Variants in PITPNC1 observed in about 807,000 individuals in gnomAD.
PITPNC1 encodes the protein phosphatidylinositol transfer protein cytoplasmic 1, also known as cytoplasmic phosphatidylinositol transfer protein 1.
In PITPNC1, 18 loss-of-function variants were observed where a neutral mutation model predicts 44.7. The ratio of observed to expected loss-of-function variants is 0.40; its 90% CI spans 0.28 to 0.60. The LOEUF is 0.60. PITPNC1 is among the 20% of genes least tolerant of loss of function. The pLI is 0.39. For synonymous variants in PITPNC1, 141 were observed against 149.6 expected, an observed-to-expected ratio of 0.94 and a Z score of 0.42; for missense variants, 290 against 418.4, an observed-to-expected ratio of 0.69 and a Z score of 2.68.
At chr17:67,585,006 C>T (rs1176411199) in intron 5 of PITPNC1, among the ~76,000 whole-genome samples, 2 of 151,760 alleles carry the variant, frequency 1.3e-5, no homozygotes, top group Admixed American at 1.3e-4. Context: ...ATTCCAGGTA[C>T]TCAGCAGGCT....
chr17:67,657,221 ACCTG>A (rs1433487787), intron 6 of PITPNC1, among the ~76,000 whole-genome samples: 5 of 150,282 alleles, frequency 3.3e-5, no homozygotes, highest in African/African-American at 1.2e-4. Context: ...AAAAGCATTT[ACCTG>A]GATGTTCATT....
chr17:67,669,796 T>G (rs1332802290), intron 7 of PITPNC1, 133 bp downstream of exon 7: 3 of 643,994 alleles, frequency 4.7e-6, no homozygotes, highest in Admixed American at 2.9e-5. Flanking sequence ...TTTGGGCCGG[T>G]TGGGGTGGCC....
chr17:67,594,384 T>C (rs958723883), intron 5 of PITPNC1, among the ~76,000 whole-genome samples: 1 of 152,186 alleles, frequency 6.6e-6, no homozygotes, highest in Admixed American at 6.5e-5. Flanking sequence ...TCAGTGTAAC[T>C]TGGGGAGTCC....
chr17:67,399,100 C>A (rs1351612280), intron 1 of PITPNC1, among the ~76,000 whole-genome samples: 2 of 149,320 alleles, frequency 1.3e-5, no homozygotes, highest in Non-Finnish European at 3.0e-5. Flanking sequence ...CTGCAACTTC[C>A]GCCTCCTGGG....
chr17:67,425,455 CTT>C (rs907910338), intron 1 of PITPNC1, among the ~76,000 whole-genome samples: 2 of 150,938 alleles, frequency 1.3e-5, no homozygotes, highest in African/African-American at 2.4e-5. Flanking sequence ...TTCTCTCACT[CTT>C]TCTCTCCCTT....
chr17:67,443,359 G>A (rs752652452), intron 1 of PITPNC1, among the ~76,000 whole-genome samples: 5 of 151,708 alleles, frequency 3.3e-5, no homozygotes, highest in East Asian at 1.9e-4. Flanking sequence ...TTAGACTCTC[G>A]CAAGCAGGCT....
chr17:67,515,971 C>T (rs911078154), intron 1 of PITPNC1, among the ~76,000 whole-genome samples: 15 of 152,136 alleles, frequency 9.9e-5, no homozygotes, highest in African/African-American at 3.4e-4. Context: ...CTTTGATGGG[C>T]GGCTGTGCTT....
chr17:67,540,625 C>T (rs2040593419), intron 2 of PITPNC1, among the ~76,000 whole-genome samples: 2 of 152,058 alleles, frequency 1.3e-5, no homozygotes, highest in South Asian at 4.1e-4. Flanking sequence ...AAGTGAAATT[C>T]TCCACAATTA....
chr17:67,468,605 G>A (rs1476204459), intron 1 of PITPNC1, among the ~76,000 whole-genome samples: 8 of 150,406 alleles, frequency 5.3e-5, no homozygotes, highest in East Asian at 4.0e-4. Context: ...GGGTTTCACC[G>A]TGTTAGCCAG....
intron 1 of PITPNC1, among the ~76,000 whole-genome samples, chr17:67,449,076 G>A (rs1378244112): frequency 6.6e-6 from 1 of 152,170 alleles, no homozygotes; most frequent in African/African-American, 2.4e-5. Flanking sequence ...CAGGTACATT[G>A]ATCTTCTAAG....
chr17:67,526,358 G>A (rs2040391441), intron 1 of PITPNC1, among the ~76,000 whole-genome samples: 2 of 152,212 alleles, frequency 1.3e-5, no homozygotes, highest in Admixed American at 6.5e-5. Context: ...TGAAGGTATT[G>A]TTGGCACTCA....
At chr17:67,394,825 G>GCGGAGCTTGCAGTGAGC (rs1272546067) in intron 1 of PITPNC1, among the ~76,000 whole-genome samples, 8 of 152,040 alleles carry the variant, frequency 5.3e-5, no homozygotes, top group Non-Finnish European at 1.0e-4. Context: ...AACCCGGGAG[G>GCGGAGCTTGCAGTGAGC]CGGAGCTTGC....
At chr17:67,586,493 G>A (rs143282540) in intron 5 of PITPNC1, among the ~76,000 whole-genome samples, 2,486 of 151,774 alleles carry the variant, frequency 0.016, 33 homozygotes, top group South Asian at 0.047. Context: ...TACTCAGGAG[G>A]CTGAGGCAGA....
chr17:67,461,374 G>A (rs115890966), intron 1 of PITPNC1, among the ~76,000 whole-genome samples: 3,291 of 152,320 alleles, frequency 0.022, 121 homozygotes, highest in African/African-American at 0.074. Flanking sequence ...CGGGGGCGGT[G>A]CCCAGGGAAA....
In PITPNC1 at chr17:67,693,097, C is replaced by T; in HGVS notation, c.*209C>T. The T allele has an allele frequency of 1.9e-6, 1 of 535,776 alleles. No homozygotes were observed. Among genetic ancestry groups the T allele is most frequent in the Admixed American group, 3.5e-5 (1 of 28,402 alleles). 33.2% of individuals were successfully genotyped at this position (535,776 alleles called of 1,614,324 possible). ...TATTAGATGTAAGATGTAAGACTTG[C>T]AAAGGACAGAAGGAATCTTCTGTAA... On this transcript the variant is annotated 3_prime_UTR_variant, in exon 9 of 9. Transcript: ENST00000581322.
chr17:67,511,966 T>G (rs1345577916), intron 1 of PITPNC1, among the ~76,000 whole-genome samples: 1 of 152,248 alleles, frequency 6.6e-6, no homozygotes, highest in Non-Finnish European at 1.5e-5. Flanking sequence ...CATTTGTATT[T>G]CTTCTCTAAA....
chr17:67,410,435 G>A (rs548314557), intron 1 of PITPNC1, among the ~76,000 whole-genome samples: 2 of 152,248 alleles, frequency 1.3e-5, no homozygotes, highest in East Asian at 1.9e-4. Flanking sequence ...CGGGAGTGCG[G>A]TGCAGTGGCG....
intron 1 of PITPNC1, among the ~76,000 whole-genome samples, chr17:67,511,388 T>C (rs1319039814): frequency 6.6e-6 from 1 of 152,244 alleles, no homozygotes; most frequent in African/African-American, 2.4e-5. Context: ...GGTAAAATGG[T>C]AAGAACATCT....
chr17:67,624,137 TATA>T (rs1437224240), intron 5 of PITPNC1, among the ~76,000 whole-genome samples: 1 of 152,198 alleles, frequency 6.6e-6, no homozygotes, highest in Non-Finnish European at 1.5e-5. Flanking sequence ...TTCTTGACAT[TATA>T]ATAATGTTGC....
Sources: gnomAD v4.1 joint callset for allele counts (sites outside exome capture counted in the v4.1 genomes callset) on GRCh38, gnomAD v4.1.1 for gene constraint, MANE v1.5 for transcripts, NCBI Gene and HGNC (gene_info 2026-07-23, HGNC 2026-07-21) for gene names.